The following PDLIM2 variants were observed in gnomAD, a reference collection of about 807,000 sequenced individuals.
PDLIM2 encodes the protein PDZ and LIM domain protein 2.
PDLIM2 carries 51 observed loss-of-function variants against 54.1 expected under a neutral mutation model. The ratio of observed to expected loss-of-function variants is 0.94; its 90% CI spans 0.75 to 1.19. The LOEUF (loss-of-function observed/expected upper bound fraction) is 1.19. Among genes scored for constraint, PDLIM2 ranks in the 50% most tolerant of loss-of-function variants. The pLI, the probability that PDLIM2 is intolerant of heterozygous loss-of-function variation, is 0.00. For synonymous variants in PDLIM2, 398 were observed against 385.6 expected (o/e 1.03, Z -0.38); for missense variants, 912 against 874.0 (o/e 1.04, Z -0.55).
Position 22,589,296 on chromosome 8 carries a change from A to G in PDLIM2, c.1291-2A>G. ...TCCTCCCCGGCTGCCTCCTCCCAAC[A>G]GGCCGGCCTCGGCCGCGCTGGCGAC... On this transcript the variant is annotated splice_acceptor_variant, in intron 6 of 9. Transcript: ENST00000308354. LOFTEE classifies it high-confidence loss of function. 1 of 1,533,790 alleles carries G rather than the reference A, an allele frequency of 6.5e-7. No homozygotes were observed. Among genetic ancestry groups the G allele is most frequent in the Non-Finnish European group, 8.7e-7 (1 of 1,146,274 alleles).
At chr8:22,591,266 A>C (rs73672776) in intron 8 of PDLIM2, 1 of 505,212 alleles carries the variant, frequency 2.0e-6, no homozygotes, top group Non-Finnish European at 3.6e-6. Flanking sequence ...TGTTATTACC[A>C]GGTCATTAGA....
chr8:22,585,014 C>A lies in PDLIM2; in HGVS notation c.1066-3C>A. On this transcript the variant is annotated splice_polypyrimidine_tract_variant and splice_region_variant and intron_variant, in intron 4 of 9. Transcript: ENST00000308354. ...TTTCCTGACACAGTCACTCTCTCCA[C>A]AGGGCTCCGTGAGGACATACACTGA... The A allele has an allele frequency of 6.2e-7, 1 of 1,613,750 alleles. No homozygotes were observed. The highest frequency in any genetic ancestry group is 8.5e-7 in the Non-Finnish European group (1 of 1,179,846).
chr8:22,589,751 TGG>T lies in PDLIM2; in HGVS notation c.1513+15_1513+16del, dbSNP rs1418625804. ...GAGGCTGAGGAGAGAGGTGAGGGTC[TGG>T]GGGGCTGGGGAGGGGAAGGAGGTTC... On this transcript the variant is annotated intron_variant, in intron 8 of 9. Transcript: ENST00000308354. The T allele has an allele frequency of 9.0e-6, 14 of 1,559,198 alleles. 1 individual carries two copies. The South Asian group carries it at 1.5e-4, about 17-fold the overall frequency.
At chr8:22,594,040 TCG>T (rs1170496382) in exon 10 of PDLIM2, 1 of 1,451,130 alleles carries the variant, frequency 6.9e-7, no homozygotes, top group East Asian at 2.5e-5. Context: ...CCCTTTGTCC[TCG>T]CTGGGTGGGC....
downstream of PDLIM2, chr8:22,594,342 T>C (rs955888943): frequency 4.1e-6 from 6 of 1,456,198 alleles, no homozygotes; most frequent in Non-Finnish European, 5.4e-6. Context: ...GCCCTGGGTA[T>C]GACCTGCTCC....
chr8:22,586,593 G>T (rs535475298), intron 6 of PDLIM2, among the ~76,000 whole-genome samples: 17 of 151,990 alleles, frequency 1.1e-4, no homozygotes, highest in Non-Finnish European at 2.5e-4. Context: ...ATGTATTGGG[G>T]CTGGGGGATT....
chr8:22,581,615 G>A (rs1235957357), intron 3 of PDLIM2, 85 bp downstream of exon 2: 9 of 1,466,790 alleles, frequency 6.1e-6, no homozygotes, highest in African/African-American at 1.4e-5. Context: ...CCTGCCCATG[G>A]GCTAGAGCTC....
chr8:22,580,962 G>C lies in PDLIM2; in HGVS notation c.843+265G>C, dbSNP rs1800179087. On this transcript the variant is annotated intron_variant, in intron 2 of 9. Transcript: ENST00000308354. The stretch of plus-strand genomic sequence containing the variant: ...CCAGTTGCTATCCCCACACTTGCAG[G>C]CAGCCATTTGGGGTGATTACTAGAA... 6.0e-6 allele frequency: 4 copies of C among 670,726 alleles called. No individual in the cohort carries two copies. The East Asian group carries it at 1.2e-4, about 20-fold the overall frequency. The allele number at this position is 670,726 out of a possible 1,614,324, so 41.5% of individuals were successfully genotyped here.
intron 9 of PDLIM2, chr8:22,591,932 A>T: frequency 2.8e-6 from 1 of 362,392 alleles, no homozygotes; most frequent in South Asian, 5.4e-5. Flanking sequence ...GATCATTTCA[A>T]AGCCTCTGGA....
intron 8 of PDLIM2, chr8:22,591,212 G>A (rs989992169): frequency 6.2e-6 from 2 of 322,576 alleles, no homozygotes; most frequent in East Asian, 9.0e-5. Context: ...CCACACCGAG[G>A]CATTGCGCTC....
At chr8:22,585,251 C>G (rs1800341307) in intron 5 of PDLIM2, 70 bp from the exon 5 acceptor site, 23 of 1,600,446 alleles carry the variant, frequency 1.4e-5, no homozygotes, top group Non-Finnish European at 1.8e-5. Context: ...TGCTTGGGAG[C>G]CCGGGGCAGC....
intron 9 of PDLIM2, 25 bp downstream of exon 8, chr8:22,591,693 C>A: frequency 1.3e-6 from 2 of 1,585,182 alleles, no homozygotes; most frequent in Non-Finnish European, 1.7e-6. Context: ...GGGTGGGGGA[C>A]CTGAGCCTTC....
exon 10 of PDLIM2, chr8:22,593,794 G>T (rs370296885): frequency 4.4e-6 from 7 of 1,605,592 alleles, no homozygotes; most frequent in African/African-American, 1.3e-5. Flanking sequence ...CACCTGTGCC[G>T]ACTGTGGGCT....
chr8:22,584,040 C>T (rs1450615620), intron 3 of PDLIM2, among the ~76,000 whole-genome samples: 5 of 151,680 alleles, frequency 3.3e-5, no homozygotes, highest in East Asian at 3.9e-4. Context: ...CTCACTCTGT[C>T]GCCCAGCCTG....
chr8:22,579,341 C>T (rs755344725), exon 1 of PDLIM2: 1 of 1,462,156 alleles, frequency 6.8e-7, no homozygotes, highest in Non-Finnish European at 9.0e-7. Flanking sequence ...TCCCTGGAGC[C>T]TCGCATCAGC....
At chr8:22,597,065 A>G (rs1800697409), downstream of PDLIM2, 1 of 152,164 alleles carries the variant, frequency 6.6e-6, no homozygotes, top group Non-Finnish European at 1.5e-5. Flanking sequence ...GTAGGCTCTC[A>G]GCTTTGTGCT....
intron 6 of PDLIM2, chr8:22,585,830 T>G: frequency 6.5e-6 from 1 of 152,746 alleles, no homozygotes; most frequent in Non-Finnish European, 1.4e-5. Flanking sequence ...CACCCTCCCT[T>G]CCTCCTCTGA....
At chr8:22,593,520 T>A (rs1156307658) in intron 9 of PDLIM2, 2 of 534,016 alleles carry the variant, frequency 3.7e-6, no homozygotes, top group Middle Eastern at 4.9e-4. Flanking sequence ...GAGATTGCTG[T>A]GAGCTGAGAT....
chr8:22,581,105 T>A (rs1800187754), intron 2 of PDLIM2: 1 of 676,130 alleles, frequency 1.5e-6, no homozygotes, highest in Non-Finnish European at 2.8e-6. Context: ...CAAGGCTCTC[T>A]ATCCAAAAGT....
Sources: gnomAD v4.1 joint callset for allele counts (sites outside exome capture counted in the v4.1 genomes callset) on GRCh38, gnomAD v4.1.1 for gene constraint, MANE v1.5 for transcripts, NCBI Gene and HGNC (gene_info 2026-07-23, HGNC 2026-07-21) for gene names.